ATG4B: variants seen among roughly 807,000 people sequenced by gnomAD.
ATG4B encodes the protein autophagy related 4B cysteine peptidase.
A neutral mutation model predicts 56.6 loss-of-function variants in ATG4B; 29 were observed. That is an observed-to-expected ratio of 0.51 (90% CI 0.38 to 0.70). The LOEUF (loss-of-function observed/expected upper bound fraction) is 0.70. ATG4B is among the 30% of genes least tolerant of loss of function. The pLI is 0.00. For missense variants in ATG4B, 461 were observed against 515.5 expected, an observed-to-expected ratio of 0.89 and a Z score of 1.02; for synonymous variants, 224 against 206.1, an observed-to-expected ratio of 1.09 and a Z score of -0.74.
At position 241,673,040 on chromosome 2, in the gene ATG4B, C is replaced by CG. The variant is rs34851004; in HGVS notation, c.*786dup. ...GTGGCAGCTTCCCCAGGTGTGGTGA[C>CG]GGGGGGGGGGCGGGGCCTCCACCTG... On this transcript the variant is annotated 3_prime_UTR_variant, in exon 13 of 13. Transcript: ENST00000404914. The CG allele has an allele frequency of 1.3e-3, 202 of 160,978 alleles. No individual in the cohort carries two copies. Among genetic ancestry groups the CG allele is most frequent in the Middle Eastern group, 3.2e-3 (1 of 312 alleles). The allele number at this position is 160,978 out of a possible 1,614,324, so 10.0% of individuals were successfully genotyped here. A position where few individuals can be genotyped will look rare whatever the true frequency, so the allele number is the denominator to read the frequency against.
Position 241,671,337 on chromosome 2 carries a change from C to T in ATG4B, c.1040C>T (p.Pro347Leu), listed in dbSNP as rs2068962304. 1 of 1,613,456 alleles carries T rather than the reference C, an allele frequency of 6.2e-7. No individual in the cohort carries two copies. The highest frequency in any genetic ancestry group is 8.5e-7 in the Non-Finnish European group (1 of 1,179,798). ...KKLSLLGGAL[P>L]MFELVELQPS... ...CTGTCTCTGCTTGGAGGTGCCCTGCCCATGTTTGAGCTGGTGGAGCTGCAG... is the reference window on the plus strand; with the variant it reads ...CTGTCTCTGCTTGGAGGTGCCCTGCTCATGTTTGAGCTGGTGGAGCTGCAG... The change falls in exon 12 of 13, where the codon CCC (proline) becomes CTC (leucine). Residue 347 changes from proline to leucine, a missense_variant. By Grantham distance (98) the Pro-to-Leu change is moderately conservative (BLOSUM62 -3). Transcript: ENST00000404914.
intron 1 of ATG4B, among the ~76,000 whole-genome samples, chr2:241,639,083 T>C (rs889435819): frequency 2.0e-5 from 3 of 152,276 alleles, no homozygotes; most frequent in Non-Finnish European, 2.9e-5. Flanking sequence ...ACGGATACCA[T>C]GGCCACCATG....
chr2:241,662,166 A>C (rs769444720), intron 7 of ATG4B, among the ~76,000 whole-genome samples: 3 of 152,200 alleles, frequency 2.0e-5, no homozygotes, highest in Non-Finnish European at 2.9e-5. Context: ...AAAGACCCCC[A>C]AATTTTTTTA....
intron 3 of ATG4B, among the ~76,000 whole-genome samples, chr2:241,653,097 G>GT (rs1326900196): frequency 1.3e-5 from 2 of 152,296 alleles, no homozygotes; most frequent in African/African-American, 4.8e-5. Flanking sequence ...GAAGGGCTGA[G>GT]TTGCTGCCCT....
At chr2:241,669,429 A>T (rs547398002) in intron 10 of ATG4B, among the ~76,000 whole-genome samples, 19 of 152,324 alleles carry the variant, frequency 1.2e-4, no homozygotes, top group African/African-American at 4.3e-4. Flanking sequence ...CCCAGAGTGC[A>T]CACCACGCTC....
chr2:241,665,060 C>T (rs2068720456), intron 7 of ATG4B, among the ~76,000 whole-genome samples: 2 of 152,182 alleles, frequency 1.3e-5, no homozygotes, highest in Admixed American at 6.5e-5. Context: ...TTTGAGGCTG[C>T]AGTGAGCTGT....
At chr2:241,645,070 T>C (rs1287762462) in intron 1 of ATG4B, among the ~76,000 whole-genome samples, 2 of 152,196 alleles carry the variant, frequency 1.3e-5, no homozygotes, top group Non-Finnish European at 2.9e-5. Flanking sequence ...AGTCCATGGC[T>C]CCTCATTGTG....
At chr2:241,667,062 A>G (rs1223416546) in intron 8 of ATG4B, among the ~76,000 whole-genome samples, 1 of 152,146 alleles carries the variant, frequency 6.6e-6, no homozygotes, top group Non-Finnish European at 1.5e-5. Flanking sequence ...GCGAGTGTCG[A>G]GGATGAAAGC....
At position 241,651,941 on chromosome 2, in the gene ATG4B, C is replaced by G. The variant is rs574934596; in HGVS notation, c.184+606C>G. 1.5e-6 allele frequency: 2 copies of G among 1,303,978 alleles called. No individual in the cohort carries two copies. Among genetic ancestry groups the G allele is most frequent in the African/African-American group, 3.0e-5 (2 of 65,852 alleles). 80.8% of individuals were successfully genotyped at this position (1,303,978 alleles called of 1,614,324 possible). ...AAGGAGATGGGGACTGGTTCTCAGC[C>G]TTGCCTCTCACCGGCGGAGAACTGA... On this transcript the variant is annotated intron_variant, in intron 3 of 12. Coordinates refer to ENST00000404914, the MANE Select transcript of ATG4B (RefSeq NM_013325.5). The surrounding 1 kb of genome is among the most constrained non-coding windows in gnomAD (Gnocchi z 4.1).
chr2:241,665,083 G>GCA (rs2068720864), intron 7 of ATG4B, among the ~76,000 whole-genome samples: 1 of 152,114 alleles, frequency 6.6e-6, no homozygotes, highest in Non-Finnish European at 1.5e-5. Flanking sequence ...TTGCACCACT[G>GCA]CACTGCAGCC....
At chr2:241,638,447 ATTATT>A (rs1303884207) in intron 1 of ATG4B, 3 of 152,084 alleles carry the variant, frequency 2.0e-5, no homozygotes, top group East Asian at 3.9e-4. Flanking sequence ...TGCTAGCAAG[ATTATT>A]TTAAGTCAGC....
Position 241,668,676 on chromosome 2 carries a change from C to G in ATG4B, c.948C>G (p.Ser316=). Residue 316 remains serine (S), a synonymous_variant, in exon 10 of 13, where the codon TCC becomes TCG. Transcript: ENST00000404914. The surrounding 1 kb of genome is among the most constrained non-coding windows in gnomAD (Gnocchi z 4.2). ...TGAGCATCGCGGAGCTTGACCCGTCCATCGCTGTGGTACGTGGCGGCCACC... is the reference window on the plus strand; with the variant it reads ...TGAGCATCGCGGAGCTTGACCCGTCGATCGCTGTGGTACGTGGCGGCCACC... The part of the protein sequence containing the change: ...CRMSIAELDP[S]IAVGFFCKTE... The G allele has an allele frequency of 6.4e-7, 1 of 1,573,928 alleles. No homozygotes were observed. Among genetic ancestry groups the G allele is most frequent in the Non-Finnish European group, 8.6e-7 (1 of 1,161,034 alleles).
At chr2:241,641,095 G>A (rs142862534) in intron 1 of ATG4B, among the ~76,000 whole-genome samples, 3 of 152,220 alleles carry the variant, frequency 2.0e-5, no homozygotes, top group African/African-American at 7.2e-5. Context: ...CCAGCAAGGA[G>A]ATGCCAGTGG....
At chr2:241,653,050 G>T (rs1217900934) in intron 3 of ATG4B, among the ~76,000 whole-genome samples, 1 of 152,242 alleles carries the variant, frequency 6.6e-6, no homozygotes, top group Non-Finnish European at 1.5e-5. Context: ...GGGCCCCAGG[G>T]AGTGGCCGTG....
At chr2:241,660,527 G>A (rs1033801540) in intron 7 of ATG4B, among the ~76,000 whole-genome samples, 1 of 152,080 alleles carries the variant, frequency 6.6e-6, no homozygotes, top group African/African-American at 2.4e-5. Context: ...AAGGGTGTTT[G>A]TTTCTTCCAT....
chr2:241,645,486 C>T (rs2068035677), intron 1 of ATG4B, among the ~76,000 whole-genome samples: 1 of 152,176 alleles, frequency 6.6e-6, no homozygotes, highest in Admixed American at 6.5e-5. Context: ...GACTGCTCAC[C>T]CGTTTCAGTG....
intron 12 of ATG4B, 27 bp downstream of exon 12, chr2:241,671,432 TC>T (rs1274876923): frequency 6.2e-7 from 1 of 1,611,482 alleles, no homozygotes; most frequent in African/African-American, 1.3e-5. Flanking sequence ...CCAGGTGGGG[TC>T]CCTCGGAGGT....
rs2068933840 is a variant in ATG4B at position 241,670,574 on chromosome 2, TC to T, written c.958-150del. 6.7e-6 allele frequency: 5 copies of T among 740,896 alleles called. No homozygotes were observed. In the East Asian group the frequency reaches 1.1e-4, roughly 16 times the overall value. The allele number at this position is 740,896 out of a possible 1,614,324, so 45.9% of individuals were successfully genotyped here. ...GCACAGGGCACCCTCGGAGCTCCGT[TC>T]CTGGCCACAGGAGCCAAGGCAGGCT... On this transcript the variant is annotated intron_variant, in intron 10 of 12. Transcript: ENST00000404914.
At chr2:241,672,040 C>T (rs2068994730) in intron 12 of ATG4B, 151 bp from the exon 13 acceptor site, 9 of 1,437,516 alleles carry the variant, frequency 6.3e-6, no homozygotes, top group Non-Finnish European at 8.2e-6. Flanking sequence ...CAGGTCTGCA[C>T]AACCCCCGGA....
Sources: allele counts gnomAD v4.1 joint callset (sites outside exome capture counted in the v4.1 genomes callset), GRCh38; gene constraint gnomAD v4.1.1; non-coding constraint Gnocchi (gnomAD v3.1); transcripts MANE v1.5; gene names NCBI Gene and HGNC (gene_info 2026-07-23, HGNC 2026-07-21).